DTNA: variants seen among roughly 807,000 people sequenced by gnomAD.
DTNA encodes dystrophin-related protein 3.
In DTNA, 43 loss-of-function variants were observed where a neutral mutation model predicts 100.7. The ratio of observed to expected loss-of-function variants is 0.43; its 90% CI spans 0.33 to 0.55. The LOEUF (loss-of-function observed/expected upper bound fraction) is 0.55. Among genes scored for constraint, DTNA ranks in the 20% least tolerant of loss-of-function variants. The pLI is 0.04. For missense variants in DTNA, 798 were observed against 953.9 expected (o/e 0.84, Z 2.15); for synonymous variants, 349 against 347.9 (o/e 1.00, Z -0.04).
intron 3 of DTNA, among the ~76,000 whole-genome samples, chr18:34,782,900 A>C (rs973607223): frequency 6.6e-6 from 1 of 152,136 alleles, no homozygotes; most frequent in Non-Finnish European, 1.5e-5. Flanking sequence ...GGTGAGTAGG[A>C]GGCTTGCTTC....
At chr18:34,603,914 A>T (rs888561840) in intron 1 of DTNA, among the ~76,000 whole-genome samples, 2 of 152,202 alleles carry the variant, frequency 1.3e-5, no homozygotes, top group African/African-American at 4.8e-5. Flanking sequence ...TTAAAAAGAA[A>T]AAAATTATTG....
At chr18:34,627,714 A>G (rs1475388429) in intron 1 of DTNA, among the ~76,000 whole-genome samples, 1 of 152,170 alleles carries the variant, frequency 6.6e-6, no homozygotes, top group Non-Finnish European at 1.5e-5. Flanking sequence ...GAGTCAGGGA[A>G]GGATGATGCA....
At chr18:34,516,677 G>A (rs756412710) in intron 1 of DTNA, among the ~76,000 whole-genome samples, 8 of 152,000 alleles carry the variant, frequency 5.3e-5, no homozygotes, top group Admixed American at 2.0e-4. Flanking sequence ...TCTCCTATTC[G>A]CTTTTGTAAG....
intron 1 of DTNA, among the ~76,000 whole-genome samples, chr18:34,753,366 A>ATTTATTTTT (rs2092499145): frequency 2.6e-4 from 34 of 133,142 alleles, no homozygotes; most frequent in African/African-American, 6.1e-4. Flanking sequence ...TATTTATTTT[A>ATTTATTTTT]TTTTTTTTTT....
At chr18:34,512,908 C>T (rs2041234830) in intron 1 of DTNA, among the ~76,000 whole-genome samples, 1 of 151,900 alleles carries the variant, frequency 6.6e-6, no homozygotes, top group African/African-American at 2.4e-5. Flanking sequence ...TTGTGGAATA[C>T]AAATTAGCAA....
chr18:34,731,021 A>G (rs1410170469), intron 1 of DTNA, among the ~76,000 whole-genome samples: 1 of 152,216 alleles, frequency 6.6e-6, no homozygotes, highest in Non-Finnish European at 1.5e-5. Flanking sequence ...ATGCAGAGAA[A>G]TTTAGCTCTC....
In DTNA at chr18:34,888,573, A is replaced by G. The variant is rs1168973962; in HGVS notation, c.*839A>G. ...ATCATATTCAAAAAAGGCAGCATTC[A>G]AATTATATAGAATCTAGTTTTTAAA... On this transcript the variant is annotated 3_prime_UTR_variant, in exon 23 of 23. Transcript: ENST00000444659. 1.0e-6 allele frequency: 1 copy of G among 985,692 alleles called. No individual in the cohort carries two copies. Among genetic ancestry groups the G allele is most frequent in the Admixed American group, 6.1e-5 (1 of 16,268 alleles). The allele number at this position is 985,692 out of a possible 1,614,324, so 61.1% of individuals were successfully genotyped here.
At chr18:34,573,686 T>G (rs35953646) in intron 1 of DTNA, among the ~76,000 whole-genome samples, 15,598 of 152,302 alleles carry the variant, frequency 0.1, 1,173 homozygotes, top group African/African-American at 0.2. Flanking sequence ...CATTACCTCA[T>G]GTAGGTATCA....
intron 1 of DTNA, among the ~76,000 whole-genome samples, chr18:34,569,989 C>G (rs1389193196): frequency 1.3e-5 from 2 of 152,000 alleles, no homozygotes; most frequent in African/African-American, 4.8e-5. Context: ...ATAAAATTAA[C>G]CATATGACAC....
At position 34,803,722 on chromosome 18, in the gene DTNA, C is replaced by A. The variant is rs375086078; in HGVS notation, c.363-2497C>A. Among the ~76,000 whole-genome samples, 263 of 152,280 alleles carry A rather than the reference C, an allele frequency of 1.7e-3. 9 individuals are homozygous for A. The South Asian group carries it at 0.053, about 31-fold the overall frequency. On this transcript the variant is annotated intron_variant, in intron 4 of 22. Transcript: ENST00000444659. ...ACCTCCTGAGGTCAAATGTTTGATA[C>A]TTCCAGTTATCCATGTAATGGGAGG...
chr18:34,661,365 A>G (rs1266234106), intron 1 of DTNA, among the ~76,000 whole-genome samples: 1 of 152,168 alleles, frequency 6.6e-6, no homozygotes, highest in Non-Finnish European at 1.5e-5. Flanking sequence ...CAGCTGCAGT[A>G]TGTATTGATG....
At chr18:34,611,173 C>G (rs975355588) in intron 1 of DTNA, among the ~76,000 whole-genome samples, 1 of 151,404 alleles carries the variant, frequency 6.6e-6, no homozygotes, top group Non-Finnish European at 1.5e-5. Context: ...TAAACTCCCA[C>G]AAAAAAAAAT....
intron 1 of DTNA, among the ~76,000 whole-genome samples, chr18:34,612,982 A>AT (rs1407397410): frequency 1.3e-5 from 2 of 152,070 alleles, no homozygotes; most frequent in East Asian, 1.9e-4. Flanking sequence ...AGATACTGTA[A>AT]TTTTTTTACA....
At chr18:34,559,464 G>A (rs2046435592) in intron 1 of DTNA, among the ~76,000 whole-genome samples, 1 of 152,328 alleles carries the variant, frequency 6.6e-6, no homozygotes, top group Middle Eastern at 3.4e-3. Context: ...GCACAAATGA[G>A]TGTTATATCC....
rs140324349 is a variant in DTNA, at chr18:34,581,089, C to CA, written c.-2+87585dup. Among the ~76,000 whole-genome samples the CA allele has an allele frequency of 2.7e-3, 410 of 149,092 alleles. 4 individuals carry two copies. Among genetic ancestry groups the CA allele is most frequent in the African/African-American group, 8.9e-3 (363 of 40,854 alleles). ...TGAAACCCTGTCTCTACTAAAAATA[C>CA]AAAAAAAAAATTAGCCGGGTGTGGT... On this transcript the variant is annotated intron_variant, in intron 1 of 19. Coordinates refer to the DTNA transcript ENST00000283365.
intron 3 of DTNA, among the ~76,000 whole-genome samples, chr18:34,782,664 G>T (rs2094371992): frequency 6.6e-6 from 1 of 152,162 alleles, no homozygotes; most frequent in African/African-American, 2.4e-5. Flanking sequence ...AGAAAGCCAA[G>T]GGAATGTCCT....
At chr18:34,663,739 A>C (rs953688477) in intron 1 of DTNA, among the ~76,000 whole-genome samples, 2 of 152,352 alleles carry the variant, frequency 1.3e-5, no homozygotes, top group African/African-American at 4.8e-5. Flanking sequence ...ATAAAATTCA[A>C]ACTTTCAAGT....
chr18:34,849,798 C>G (rs1391135538), intron 14 of DTNA, among the ~76,000 whole-genome samples: 2 of 152,256 alleles, frequency 1.3e-5, no homozygotes, highest in Non-Finnish European at 2.9e-5. Flanking sequence ...GGAGGCATTA[C>G]TCTGCTGCTT....
At chr18:34,747,335 TA>T (rs1455898562) in intron 1 of DTNA, among the ~76,000 whole-genome samples, 2 of 152,054 alleles carry the variant, frequency 1.3e-5, no homozygotes, top group African/African-American at 4.8e-5. Context: ...AGGGTGCTTT[TA>T]TTTTTTTTTA....
Sources: allele counts gnomAD v4.1 joint callset (sites outside exome capture counted in the v4.1 genomes callset), GRCh38; gene constraint gnomAD v4.1.1; transcripts MANE v1.5; gene names NCBI Gene and HGNC (gene_info 2026-07-23, HGNC 2026-07-21).